The following NVL variants were observed in gnomAD, a reference collection of about 807,000 sequenced individuals.
NVL encodes nuclear valosin-containing protein-like.
A neutral mutation model predicts 110.2 loss-of-function variants in NVL; 84 were observed. The observed-to-expected ratio is 0.76, with a 90% CI of 0.64 to 0.91. NVL has a LOEUF of 0.91. NVL is among the 40% of genes least tolerant of loss of function. The pLI is 0.00. For synonymous variants in NVL, 354 were observed against 361.1 expected (o/e 0.98, Z 0.22); for missense variants, 882 against 1,035.9 (o/e 0.85, Z 2.04).
intron 18 of NVL, among the ~76,000 whole-genome samples, chr1:224,264,028 C>T (rs1456812744): frequency 1.3e-5 from 2 of 151,986 alleles, no homozygotes; most frequent in East Asian, 3.9e-4. Flanking sequence ...AACAAACAAA[C>T]AAACAAACAA....
At chr1:224,285,212 G>A (rs767616617) in intron 15 of NVL, among the ~76,000 whole-genome samples, 9 of 149,534 alleles carry the variant, frequency 6.0e-5, no homozygotes, top group Non-Finnish European at 1.1e-4. Context: ...CGAGATGGGC[G>A]GATCATGAGG....
At chr1:224,244,254 C>T (rs1392648625) in intron 19 of NVL, among the ~76,000 whole-genome samples, 1 of 151,030 alleles carries the variant, frequency 6.6e-6, no homozygotes, top group Non-Finnish European at 1.5e-5. Flanking sequence ...GTAATCTCAG[C>T]TATTTGGGAG....
intron 14 of NVL, 38 bp from the exon 15 acceptor site, chr1:224,286,168 C>G (rs771805524): frequency 7.2e-7 from 1 of 1,381,738 alleles, no homozygotes; most frequent in Middle Eastern, 1.8e-4. Flanking sequence ...CATTACATGT[C>G]CATTTTATAC....
At chr1:224,237,857 G>A (rs1224753858) in intron 19 of NVL, among the ~76,000 whole-genome samples, 1 of 150,898 alleles carries the variant, frequency 6.6e-6, no homozygotes, top group African/African-American at 2.4e-5. Context: ...GGGACACTGA[G>A]GCAGGAGAAT....
At chr1:224,288,393 G>A (rs972905868) in intron 13 of NVL, among the ~76,000 whole-genome samples, 1 of 151,960 alleles carries the variant, frequency 6.6e-6, no homozygotes. Context: ...TCATTAATAT[G>A]GTTCCTTGAT....
intron 17 of NVL, 43 bp downstream of exon 17, chr1:224,275,296 T>G: frequency 6.2e-7 from 1 of 1,611,416 alleles, no homozygotes; most frequent in Non-Finnish European, 8.5e-7. Flanking sequence ...AAAAGGTTTA[T>G]TGTGCTAAAA....
rs1026237296 is a variant in NVL, at chr1:224,321,436, G to A, written c.132-3506C>T. Among the ~76,000 whole-genome samples the A allele has an allele frequency of 3.9e-5, 6 of 152,132 alleles. No homozygotes were observed. The South Asian group carries it at 6.2e-4, about 16-fold the overall frequency. On this transcript the variant is annotated intron_variant, in intron 2 of 22. Coordinates refer to ENST00000281701, the MANE Select transcript of NVL (RefSeq NM_002533.4). ...GCAGAATGTTTAAAAGCTGAAACAG[G>A]CCAGGTGTAGTGGCTCATGCCTATA... is the stretch of plus-strand genomic sequence containing the variant.
intron 17 of NVL, 39 bp from the exon 18 acceptor site, chr1:224,268,172 C>CA (rs777093517): frequency 7.1e-7 from 1 of 1,413,544 alleles, no homozygotes; most frequent in Admixed American, 1.9e-5. Context: ...GCTCTCAATA[C>CA]AAAGGAAAAA....
At chr1:224,296,708 C>A (rs16846214) in intron 10 of NVL, 90 bp from the exon 11 acceptor site, 65,455 of 776,994 alleles carry the variant, frequency 0.084, 6,242 homozygotes, top group African/African-American at 0.41. Flanking sequence ...AAAAAATCTT[C>A]AAGGTCAAGG....
intron 22 of NVL, among the ~76,000 whole-genome samples, chr1:224,229,240 G>A (rs1299211326): frequency 6.6e-6 from 1 of 151,716 alleles, no homozygotes; most frequent in Non-Finnish European, 1.5e-5. Flanking sequence ...AGGTTGTGGT[G>A]AGCTGCGATT....
At chr1:224,289,882 C>T (rs986092324) in intron 12 of NVL, 149 bp from the exon 13 acceptor site, 11 of 680,392 alleles carry the variant, frequency 1.6e-5, no homozygotes, top group East Asian at 2.8e-5. Context: ...ACTCAACAAA[C>T]GCTGTCATTA....
chr1:224,264,792 G>T (rs1301656087), intron 18 of NVL, among the ~76,000 whole-genome samples: 1 of 151,784 alleles, frequency 6.6e-6, no homozygotes, highest in Non-Finnish European at 1.5e-5. Flanking sequence ...TCAGGCTGGA[G>T]TGCAGTGGTG....
At chr1:224,323,934 C>G (rs767304711) in intron 2 of NVL, among the ~76,000 whole-genome samples, 2 of 152,194 alleles carry the variant, frequency 1.3e-5, no homozygotes, top group Non-Finnish European at 2.9e-5. Context: ...GAATGAATGT[C>G]TAACCTACAC....
chr1:224,283,694 A>G (rs903102693), intron 15 of NVL, among the ~76,000 whole-genome samples: 27 of 152,224 alleles, frequency 1.8e-4, no homozygotes, highest in African/African-American at 6.0e-4. Flanking sequence ...TAAACACTAT[A>G]GGACACACAT....
chr1:224,309,783 C>T (rs1669326775), intron 5 of NVL, among the ~76,000 whole-genome samples: 1 of 152,146 alleles, frequency 6.6e-6, no homozygotes, highest in Admixed American at 6.5e-5. Flanking sequence ...TATTCCAGCA[C>T]TTTGGGAGGC....
At chr1:224,240,612 A>C (rs1207748722) in intron 19 of NVL, among the ~76,000 whole-genome samples, 1 of 152,208 alleles carries the variant, frequency 6.6e-6, no homozygotes, top group South Asian at 2.1e-4. Context: ...AAGAAAGCTC[A>C]GTATATAAAG....
intron 19 of NVL, among the ~76,000 whole-genome samples, 156 bp downstream of exon 19, chr1:224,250,056 C>T (rs1286337060): frequency 6.6e-6 from 1 of 152,152 alleles, no homozygotes; most frequent in Non-Finnish European, 1.5e-5. Flanking sequence ...AAGTAATAAT[C>T]GAAGATCAGT....
chr1:224,284,488 G>A (rs1469017090), intron 15 of NVL, among the ~76,000 whole-genome samples: 1 of 151,938 alleles, frequency 6.6e-6, no homozygotes, highest in Non-Finnish European at 1.5e-5. Flanking sequence ...TGATTCTTGT[G>A]CCTCAGCCTC....
chr1:224,324,894 T>A lies in NVL; in HGVS notation c.131+1497A>T, dbSNP rs181112510. ...AAGCTGAATTGTGTTTCCCTTATAT[T>A]CTTATGTTGATGTCCTAACCCCCAG... On this transcript the variant is annotated intron_variant, in intron 2 of 22. Coordinates refer to ENST00000281701, the MANE Select transcript of NVL (RefSeq NM_002533.4). Among the ~76,000 whole-genome samples, 19 of 152,294 alleles carry A rather than the reference T, an allele frequency of 1.2e-4. No homozygotes were observed. In the East Asian group the frequency reaches 2.3e-3, roughly 19 times the overall value.
Sources: allele counts gnomAD v4.1 joint callset (sites outside exome capture counted in the v4.1 genomes callset), GRCh38; gene constraint gnomAD v4.1.1; transcripts MANE v1.5; gene names NCBI Gene and HGNC (gene_info 2026-07-23, HGNC 2026-07-21).